CADM2: variants seen among roughly 807,000 people sequenced by gnomAD.
The protein encoded by CADM2 is cell adhesion molecule 2.
In CADM2, 12 loss-of-function variants were observed where a neutral mutation model predicts 49.8. The observed-to-expected ratio is 0.24, with a 90% CI of 0.15 to 0.39. CADM2 has a LOEUF of 0.39. Ranked by LOEUF, CADM2 falls within the 10% of genes least tolerant of loss-of-function variation. CADM2 has a pLI of 1.00. For synonymous variants in CADM2, 214 were observed against 175.4 expected (o/e 1.22, Z -1.74); for missense variants, 378 against 492.3 (o/e 0.77, Z 2.20).
At chr3:85,218,765 C>A (rs2041986355) in intron 1 of CADM2, among the ~76,000 whole-genome samples, 1 of 152,118 alleles carries the variant, frequency 6.6e-6, no homozygotes, top group Non-Finnish European at 1.5e-5. Context: ...CCACTGCACT[C>A]CAGCCTGGCA....
intron 8 of CADM2, among the ~76,000 whole-genome samples, chr3:85,968,677 C>T (rs1415607487): frequency 4.6e-5 from 7 of 151,678 alleles, no homozygotes; most frequent in Admixed American, 6.6e-5. Flanking sequence ...CTGTGGCACT[C>T]GGTCCTTCTA....
At chr3:85,455,524 C>T (rs2037949557) in intron 1 of CADM2, among the ~76,000 whole-genome samples, 1 of 152,098 alleles carries the variant, frequency 6.6e-6, no homozygotes, top group Admixed American at 6.5e-5. Flanking sequence ...AAACCTAAGG[C>T]CTGGATGGAC....
intron 1 of CADM2, among the ~76,000 whole-genome samples, chr3:85,666,958 G>T (rs932315508): frequency 6.6e-6 from 1 of 151,902 alleles, no homozygotes; most frequent in African/African-American, 2.4e-5. Context: ...ATATTTTTCC[G>T]TGAAGATTTT....
chr3:85,437,973 C>A (rs2037010146), intron 1 of CADM2, among the ~76,000 whole-genome samples: 1 of 151,822 alleles, frequency 6.6e-6, no homozygotes. Context: ...CTTTATTGTG[C>A]AAAGTATTAA....
chr3:85,216,934 T>A (rs2041941546), intron 1 of CADM2, among the ~76,000 whole-genome samples: 1 of 152,116 alleles, frequency 6.6e-6, no homozygotes, highest in African/African-American at 2.4e-5. Flanking sequence ...TTGCTATATC[T>A]GTTTTTGCAT....
intron 1 of CADM2, among the ~76,000 whole-genome samples, chr3:84,994,241 G>A (rs143674919): frequency 6.6e-6 from 1 of 152,144 alleles, no homozygotes; most frequent in African/African-American, 2.4e-5. Context: ...TGCCAAGATC[G>A]TTATAAATAC....
chr3:85,977,344 A>C (rs1726919824), intron 8 of CADM2, among the ~76,000 whole-genome samples: 1 of 151,350 alleles, frequency 6.6e-6, no homozygotes, highest in Admixed American at 6.6e-5. Context: ...ATCTGTGATA[A>C]ATTTGGAAAT....
chr3:85,174,825 A>G (rs1416045808), intron 1 of CADM2, among the ~76,000 whole-genome samples: 1 of 152,152 alleles, frequency 6.6e-6, no homozygotes, highest in African/African-American at 2.4e-5. Context: ...GTTTCAGGAA[A>G]TAGGGACAAC....
chr3:85,092,597 T>C (rs1459693655), intron 1 of CADM2, among the ~76,000 whole-genome samples: 1 of 152,210 alleles, frequency 6.6e-6, no homozygotes, highest in Non-Finnish European at 1.5e-5. Flanking sequence ...GACAGAGCTT[T>C]AGATTGCAAA....
intron 3 of CADM2, among the ~76,000 whole-genome samples, chr3:85,865,516 T>G (rs1218615194): frequency 6.6e-6 from 1 of 152,202 alleles, no homozygotes; most frequent in African/African-American, 2.4e-5. Flanking sequence ...AATGAGTGTT[T>G]ATTAGTAAAA....
intron 1 of CADM2, among the ~76,000 whole-genome samples, chr3:85,252,304 A>C (rs1311733705): frequency 6.6e-6 from 1 of 151,966 alleles, no homozygotes; most frequent in Non-Finnish European, 1.5e-5. Context: ...TAAAATCCCC[A>C]AGGCTCAAAA....
chr3:85,715,329 A>T (rs1476697074), intron 1 of CADM2, among the ~76,000 whole-genome samples: 1 of 152,212 alleles, frequency 6.6e-6, no homozygotes, highest in Admixed American at 6.5e-5. Flanking sequence ...ATGAGCAAAA[A>T]GTATTTTTTT....
chr3:85,730,521 T>C (rs913674998), intron 2 of CADM2, among the ~76,000 whole-genome samples: 1 of 152,130 alleles, frequency 6.6e-6, no homozygotes, highest in Non-Finnish European at 1.5e-5. Flanking sequence ...AAATAGTTTC[T>C]AACTTGTCTC....
chr3:85,645,051 A>G (rs956117020), intron 1 of CADM2, among the ~76,000 whole-genome samples: 1 of 152,148 alleles, frequency 6.6e-6, no homozygotes, highest in African/African-American at 2.4e-5. Flanking sequence ...AACTATATCA[A>G]AGTTCTTAAA....
At chr3:85,092,243 T>C (rs2037624916) in intron 1 of CADM2, among the ~76,000 whole-genome samples, 1 of 152,206 alleles carries the variant, frequency 6.6e-6, no homozygotes, top group African/African-American at 2.4e-5. Context: ...TAAGTTCTTA[T>C]ATGAAACTGA....
intron 1 of CADM2, among the ~76,000 whole-genome samples, chr3:85,373,280 A>G (rs1013904244): frequency 6.6e-6 from 1 of 152,184 alleles, no homozygotes; most frequent in East Asian, 1.9e-4. Context: ...ACAGGCCCCA[A>G]GGAAATCGGA....
At chr3:85,479,074 G>A (rs1286491270) in intron 1 of CADM2, among the ~76,000 whole-genome samples, 1 of 151,772 alleles carries the variant, frequency 6.6e-6, no homozygotes, top group African/African-American at 2.4e-5. Flanking sequence ...CTCCTGAGTA[G>A]CTGGAACTAC....
At chr3:84,978,783 A>G (rs1257251729) in intron 1 of CADM2, among the ~76,000 whole-genome samples, 1 of 152,200 alleles carries the variant, frequency 6.6e-6, no homozygotes, top group Non-Finnish European at 1.5e-5. Flanking sequence ...ATAAAACCAA[A>G]CATCATAATA....
At chr3:85,210,959 A>G (rs898879830) in intron 1 of CADM2, among the ~76,000 whole-genome samples, 1 of 152,062 alleles carries the variant, frequency 6.6e-6, no homozygotes, top group Non-Finnish European at 1.5e-5. Flanking sequence ...CAATCTCATT[A>G]CTTGTCATTT....
Sources: gnomAD v4.1 joint callset for allele counts (sites outside exome capture counted in the v4.1 genomes callset) on GRCh38, gnomAD v4.1.1 for gene constraint, MANE v1.5 for transcripts, NCBI Gene and HGNC (gene_info 2026-07-23, HGNC 2026-07-21) for gene names.